Variants in ZNF83 observed in about 807,000 individuals in gnomAD.
ZNF83 encodes the protein zinc finger protein 83, also known as zinc finger protein 816B.
For missense variants in ZNF83, 552 were observed against 629.9 expected (o/e 0.88, Z 1.32); for synonymous variants, 209 against 213.0 (o/e 0.98, Z 0.17).
At chr19:52,647,730 A>C (rs1022610274) in intron 3 of ZNF83, among the ~76,000 whole-genome samples, 5 of 146,616 alleles carry the variant, frequency 3.4e-5, no homozygotes, top group Admixed American at 6.9e-5. Context: ...TTCCCTTCTT[A>C]CCTCTATTCC....
exon 3 of ZNF83, chr19:52,612,908 A>G: frequency 2.0e-6 from 2 of 991,990 alleles, no homozygotes; most frequent in East Asian, 2.6e-5. Flanking sequence ...AGCCTTGAAC[A>G]AAAACTAAAG....
chr19:52,623,940 A>G (rs2060640413), intron 2 of ZNF83, among the ~76,000 whole-genome samples: 2 of 152,116 alleles, frequency 1.3e-5, no homozygotes, highest in South Asian at 2.1e-4. Flanking sequence ...TTTTGTTCTC[A>G]ATACTGCCCT....
chr19:52,682,629 C>T (rs1281143263), intron 1 of ZNF83, among the ~76,000 whole-genome samples: 3 of 152,076 alleles, frequency 2.0e-5, no homozygotes, highest in African/African-American at 7.2e-5. Context: ...GATTGCACCA[C>T]TGCTCTCCAG....
intron 3 of ZNF83, among the ~76,000 whole-genome samples, chr19:52,647,908 C>T (rs1361227071): frequency 6.6e-6 from 1 of 151,728 alleles, no homozygotes; most frequent in Admixed American, 6.6e-5. Context: ...TTATACCCCT[C>T]TGTACCCACT....
intron 1 of ZNF83, chr19:52,660,875 A>AT (rs67461907): frequency 0.28 from 43,056 of 153,650 alleles, 6,289 homozygotes; most frequent in Middle Eastern, 0.35. Flanking sequence ...TATTTAATTA[A>AT]TTTTTTTTGA....
intron 1 of ZNF83, among the ~76,000 whole-genome samples, chr19:52,687,682 G>C (rs11666434): frequency 1.7e-5 from 1 of 58,328 alleles, no homozygotes; most frequent in Non-Finnish European, 3.5e-5. Flanking sequence ...ATAACTAGCC[G>C]GGCTTGGTGG....
At chr19:52,675,439 G>A (rs2061786470) in intron 1 of ZNF83, among the ~76,000 whole-genome samples, 4 of 152,266 alleles carry the variant, frequency 2.6e-5, no homozygotes, top group Middle Eastern at 3.4e-3. Flanking sequence ...GGACACAAGC[G>A]CTGAGCTGCG....
chr19:52,678,803 G>A (rs1037416791), intron 1 of ZNF83, among the ~76,000 whole-genome samples: 1 of 151,910 alleles, frequency 6.6e-6, no homozygotes, highest in Non-Finnish European at 1.5e-5. Flanking sequence ...GTGAAAACCT[G>A]TCTCTACTAA....
chr19:52,663,118 G>A lies in ZNF83; in HGVS notation c.-282-2275C>T, dbSNP rs564613044. On this transcript the variant is annotated intron_variant, in intron 1 of 5. Coordinates refer to the ZNF83 transcript ENST00000594682. The stretch of plus-strand genomic sequence containing the variant: ...GCAGAGGTTGCAGTGAGCCAAGATC[G>A]TATCACTGCACTCAAGCATGGCTGA... Among the ~76,000 whole-genome samples, 6 of 151,968 alleles carry A rather than the reference G, an allele frequency of 3.9e-5. No homozygotes were observed. In the South Asian group the frequency reaches 8.3e-4, roughly 21 times the overall value.
chr19:52,653,430 G>T, intron 3 of ZNF83: 1 of 801,330 alleles, frequency 1.2e-6, no homozygotes, highest in Non-Finnish European at 2.1e-6. Flanking sequence ...CTCTGTTATG[G>T]CGTGAAAGGC....
intron 1 of ZNF83, chr19:52,637,191 T>TC (rs2061177808): frequency 6.6e-6 from 1 of 152,398 alleles, no homozygotes; most frequent in South Asian, 2.1e-4. Flanking sequence ...CCCCAATCGT[T>TC]CTATCGTCCT....
chr19:52,631,247 C>T (rs1443770513), intron 2 of ZNF83, among the ~76,000 whole-genome samples: 2 of 151,998 alleles, frequency 1.3e-5, no homozygotes, highest in Admixed American at 6.6e-5. Context: ...CCCTGCTGAT[C>T]GTGTCCAATT....
At chr19:52,689,598 A>G (rs2062110214) in intron 1 of ZNF83, among the ~76,000 whole-genome samples, 2 of 151,936 alleles carry the variant, frequency 1.3e-5, no homozygotes, top group East Asian at 1.9e-4. Context: ...GCTTTTCTCT[A>G]CATTTCTGCA....
At chr19:52,615,921 C>G (rs76068669) in intron 2 of ZNF83, among the ~76,000 whole-genome samples, 30,914 of 152,168 alleles carry the variant, frequency 0.2, 3,761 homozygotes, top group East Asian at 0.48. Context: ...TCGCTGCAAC[C>G]TCCGCCACAC....
intron 1 of ZNF83, among the ~76,000 whole-genome samples, chr19:52,689,747 GCTCT>G (rs10544917): frequency 0.053 from 7,879 of 147,390 alleles, 506 homozygotes; most frequent in African/African-American, 0.15. Context: ...GTTTTCCACT[GCTCT>G]CTGTCCGTCT....
chr19:52,665,449 C>T (rs1023595398), intron 1 of ZNF83, among the ~76,000 whole-genome samples: 1 of 152,080 alleles, frequency 6.6e-6, no homozygotes, highest in African/African-American at 2.4e-5. Flanking sequence ...GACCTTGTAA[C>T]AGTGCATATA....
intron 1 of ZNF83, among the ~76,000 whole-genome samples, chr19:52,684,109 C>A (rs929215588): frequency 6.6e-5 from 10 of 152,140 alleles, no homozygotes; most frequent in Admixed American, 5.2e-4. Flanking sequence ...GGGCTCATGC[C>A]TGTAATCCTA....
At chr19:52,649,495 G>A (rs1032564889) in intron 3 of ZNF83, among the ~76,000 whole-genome samples, 2 of 152,090 alleles carry the variant, frequency 1.3e-5, no homozygotes, top group Admixed American at 6.5e-5. Context: ...AGAAATTCCC[G>A]ACCCAAGATC....
At chr19:52,651,109 T>C (rs2061436209) in intron 3 of ZNF83, 1 of 152,220 alleles carries the variant, frequency 6.6e-6, no homozygotes, top group African/African-American at 2.4e-5. Flanking sequence ...AGATTGGTGA[T>C]ACTGACTTGT....
Sources: allele counts gnomAD v4.1 joint callset (sites outside exome capture counted in the v4.1 genomes callset), GRCh38; gene constraint gnomAD v4.1.1; transcripts MANE v1.5; gene names NCBI Gene and HGNC (gene_info 2026-07-23, HGNC 2026-07-21).